Variants in LRRTM4 observed in about 807,000 individuals in gnomAD.
LRRTM4 encodes the protein leucine-rich repeat transmembrane neuronal protein 4.
Under a neutral mutation model 47.6 loss-of-function variants are expected in LRRTM4, and 25 were observed. The observed-to-expected ratio is 0.53, with a 90% CI of 0.38 to 0.73. LRRTM4 has a LOEUF of 0.73. Ranked by LOEUF, LRRTM4 falls within the 30% of genes least tolerant of loss-of-function variation. The probability of loss-of-function intolerance (pLI) is 0.00; values close to 1 mark genes in which losing one functional copy is unlikely to be tolerated. For synonymous variants in LRRTM4, 311 were observed against 269.5 expected, an observed-to-expected ratio of 1.15 and a Z score of -1.51; for missense variants, 638 against 713.4, an observed-to-expected ratio of 0.89 and a Z score of 1.20.
intron 3 of LRRTM4, among the ~76,000 whole-genome samples, chr2:77,388,889 T>C (rs1673392189): frequency 6.6e-6 from 1 of 152,064 alleles, no homozygotes; most frequent in African/African-American, 2.4e-5. Flanking sequence ...AAGTTTCATA[T>C]ATAATGCAAG....
intron 3 of LRRTM4, among the ~76,000 whole-genome samples, chr2:77,365,144 A>G (rs377095193): frequency 1.1e-3 from 165 of 152,218 alleles, no homozygotes; most frequent in African/African-American, 3.8e-3. Context: ...GGTAAAATCC[A>G]GATCTATATT....
At chr2:76,957,668 A>C (rs1447838764) in intron 3 of LRRTM4, among the ~76,000 whole-genome samples, 1 of 151,704 alleles carries the variant, frequency 6.6e-6, no homozygotes, top group African/African-American at 2.4e-5. Flanking sequence ...AATGGATTTA[A>C]TAGTACCTCA....
chr2:77,314,863 G>C (rs1677572143), intron 3 of LRRTM4, among the ~76,000 whole-genome samples: 1 of 152,084 alleles, frequency 6.6e-6, no homozygotes, highest in Non-Finnish European at 1.5e-5. Flanking sequence ...AGTGATGCTG[G>C]ACCACAGCAA....
chr2:77,462,139 T>C (rs1282061906), intron 3 of LRRTM4, among the ~76,000 whole-genome samples: 1 of 152,128 alleles, frequency 6.6e-6, no homozygotes, highest in Non-Finnish European at 1.5e-5. Context: ...CAATATTCCA[T>C]ACAAAACTCT....
intron 3 of LRRTM4, among the ~76,000 whole-genome samples, chr2:76,807,959 C>CTTTTTA: frequency 7.3e-6 from 1 of 137,032 alleles, no homozygotes; most frequent in African/African-American, 2.8e-5. Context: ...CTTTCTTTTT[C>CTTTTTA]TTTTTCTTTC....
chr2:77,472,169 T>C (rs959522185), intron 3 of LRRTM4, among the ~76,000 whole-genome samples: 1 of 152,112 alleles, frequency 6.6e-6, no homozygotes, highest in Non-Finnish European at 1.5e-5. Context: ...GGCCCCTAAG[T>C]GTAGTGCTGA....
At chr2:77,154,818 C>T (rs1424843471) in intron 3 of LRRTM4, among the ~76,000 whole-genome samples, 2 of 152,048 alleles carry the variant, frequency 1.3e-5, no homozygotes, top group African/African-American at 2.4e-5. Flanking sequence ...AGTCAAAGAG[C>T]CTGATTCATT....
At chr2:77,444,609 T>A (rs971386600) in intron 3 of LRRTM4, among the ~76,000 whole-genome samples, 9 of 152,026 alleles carry the variant, frequency 5.9e-5, no homozygotes, top group Non-Finnish European at 4.4e-5. Context: ...TATATCATTG[T>A]TGTAACTTGG....
intron 3 of LRRTM4, among the ~76,000 whole-genome samples, chr2:76,995,931 T>C (rs1357395886): frequency 6.6e-6 from 1 of 152,092 alleles, no homozygotes; most frequent in Non-Finnish European, 1.5e-5. Flanking sequence ...TTAAGAATAC[T>C]ATTTAAAAAA....
chr2:76,797,143 T>A (rs569886445), intron 3 of LRRTM4, among the ~76,000 whole-genome samples: 156 of 152,030 alleles, frequency 1.0e-3, no homozygotes, highest in Middle Eastern at 6.8e-3. Context: ...CGAGAAGAGC[T>A]ACTCCAATAC....
At chr2:77,282,489 T>C (rs1676533924) in intron 3 of LRRTM4, among the ~76,000 whole-genome samples, 1 of 151,296 alleles carries the variant, frequency 6.6e-6, no homozygotes, top group Non-Finnish European at 1.5e-5. Flanking sequence ...TTATGTTAAA[T>C]AGAAATGGTA....
chr2:77,041,730 C>T (rs755932805), intron 3 of LRRTM4, among the ~76,000 whole-genome samples: 13 of 150,492 alleles, frequency 8.6e-5, no homozygotes, highest in Non-Finnish European at 1.3e-4. Flanking sequence ...CATCTTTTAC[C>T]CATTTTTAAA....
intron 3 of LRRTM4, among the ~76,000 whole-genome samples, chr2:77,446,570 C>T (rs1003417380): frequency 6.6e-6 from 1 of 152,002 alleles, no homozygotes; most frequent in African/African-American, 2.4e-5. Context: ...CTTTGTGGGG[C>T]CTAATTTGAC....
At chr2:77,186,487 T>C (rs143266628) in intron 3 of LRRTM4, among the ~76,000 whole-genome samples, 30 of 152,264 alleles carry the variant, frequency 2.0e-4, no homozygotes, top group Non-Finnish European at 3.8e-4. Context: ...AATAAGCACT[T>C]AATAAGTGTT....
chr2:76,966,986 T>C (rs1217615657), intron 3 of LRRTM4, among the ~76,000 whole-genome samples: 2 of 151,484 alleles, frequency 1.3e-5, no homozygotes, highest in Non-Finnish European at 3.0e-5. Flanking sequence ...TATTACTATA[T>C]TTTTAGCTTT....
intron 3 of LRRTM4, among the ~76,000 whole-genome samples, chr2:77,170,357 A>C (rs899932425): frequency 1.1e-4 from 17 of 152,196 alleles, no homozygotes; most frequent in Non-Finnish European, 1.5e-5. Context: ...TGTAAAAATC[A>C]GCAAGAAAAT....
chr2:76,809,795 A>G (rs1375286609), intron 3 of LRRTM4, among the ~76,000 whole-genome samples: 2 of 152,180 alleles, frequency 1.3e-5, no homozygotes, highest in Admixed American at 1.3e-4. Flanking sequence ...GGATCCAGCC[A>G]CAGTTACTTG....
chr2:77,067,686 T>TGTACACACACAC (rs1319232118), intron 3 of LRRTM4, among the ~76,000 whole-genome samples: 2 of 140,808 alleles, frequency 1.4e-5, no homozygotes, highest in South Asian at 2.3e-4. Context: ...CAAAGATACG[T>TGTACACACACAC]ACACACACAC....
At chr2:77,461,291 C>T (rs1676778029) in intron 3 of LRRTM4, among the ~76,000 whole-genome samples, 1 of 152,034 alleles carries the variant, frequency 6.6e-6, no homozygotes, top group Non-Finnish European at 1.5e-5. Flanking sequence ...ATGGATTTTA[C>T]TTTCTGGTTA....
Sources: gnomAD v4.1 joint callset for allele counts (sites outside exome capture counted in the v4.1 genomes callset) on GRCh38, gnomAD v4.1.1 for gene constraint, MANE v1.5 for transcripts, NCBI Gene and HGNC (gene_info 2026-07-23, HGNC 2026-07-21) for gene names.